Variants in NISCH observed in about 807,000 individuals in gnomAD.
NISCH encodes the protein nischarin, also known as I-1 receptor candidate protein.
NISCH carries 55 observed loss-of-function variants against 138.4 expected under a neutral mutation model. That is an observed-to-expected ratio of 0.40 (90% CI 0.32 to 0.50). NISCH has a LOEUF of 0.50. Ranked by LOEUF, NISCH falls within the 20% of genes least tolerant of loss-of-function variation. The pLI, the probability that NISCH is intolerant of heterozygous loss-of-function variation, is 0.71. For synonymous variants in NISCH, 860 were observed against 861.5 expected (o/e 1.00, Z 0.03); for missense variants, 1,643 against 2,005.5 (o/e 0.82, Z 3.45).
Position 52,490,960 on chromosome 3 carries a change from C to A in NISCH, c.3742+127C>A. 4.6e-6 allele frequency: 6 copies of A among 1,304,670 alleles called. No homozygotes were observed. The Admixed American group carries it at 6.2e-5, about 13-fold the overall frequency. 80.8% of individuals were successfully genotyped at this position (1,304,670 alleles called of 1,614,324 possible). A position where few individuals can be genotyped will look rare whatever the true frequency, so the allele number is the denominator to read the frequency against. On this transcript the variant is annotated intron_variant, in intron 19 of 20. Coordinates refer to ENST00000345716, the MANE Select transcript of NISCH (RefSeq NM_007184.4). ...CTGTGCTCAAGAGCCACTTCTTAAC[C>A]GGGGTGGGAGGAAGCAGCTTCAGGA...
intron 16 of NISCH, 116 bp downstream of exon 16, chr3:52,488,721 C>T (rs1432356136): frequency 2.3e-6 from 2 of 883,778 alleles, no homozygotes; most frequent in African/African-American, 1.7e-5. Flanking sequence ...GCCCCCTCCC[C>T]CCCTGCCCCT....
In NISCH at chr3:52,487,880, C is replaced by T. The variant is rs764802138; in HGVS notation, c.2388C>T (p.Asp796=). 8.9e-5 allele frequency: 143 copies of T among 1,612,204 alleles called. No individual in the cohort carries two copies. Among genetic ancestry groups the T allele is most frequent in the South Asian group, 3.1e-4 (28 of 91,026 alleles). The part of the protein sequence containing the change: ...HSENTLFIIS[D]AANLHEFHAD... ...AGAACACGCTCTTCATTATCTCGGA[C>T]GCCGCCAACCTGCACGAGTTCCACG... The change falls in exon 16 of 21, where the codon GAC becomes GAT. Residue 796 remains aspartate (D), a synonymous_variant. Transcript: ENST00000345716. The surrounding 1 kb of genome is among the most constrained non-coding windows in gnomAD (Gnocchi z 9.1).
intron 13 of NISCH, 181 bp downstream of exon 13, chr3:52,480,476 A>T: frequency 6.5e-7 from 1 of 1,531,804 alleles, no homozygotes; most frequent in Non-Finnish European, 8.7e-7. Context: ...GCCTGGCCTG[A>T]TGCCAGCTGT....
Position 52,481,421 on chromosome 3 carries a change from T to A in NISCH, c.1528+1126T>A, listed in dbSNP as rs1707267304. 1.5e-5 allele frequency: 15 copies of A among 986,092 alleles called. No individual in the cohort carries two copies. In the African/African-American group the frequency reaches 1.9e-4, roughly 13 times the overall value. The allele number at this position is 986,092 out of a possible 1,614,324, so 61.1% of individuals were successfully genotyped here. A position where few individuals can be genotyped will look rare whatever the true frequency, so the allele number is the denominator to read the frequency against. ...TTAGGTGCCAGGATGATTGCCCATT[T>A]TGCTTCTGTCAGACTCTTGACTAAG... On this transcript the variant is annotated intron_variant, in intron 13 of 20. Transcript: ENST00000345716.
At position 52,476,355 on chromosome 3, in the gene NISCH, C is replaced by T. The variant is rs1707096833; in HGVS notation, c.766-92C>T. The T allele has an allele frequency of 4.3e-6, 6 of 1,407,376 alleles. No homozygotes were observed. The South Asian group carries it at 4.8e-5, about 11-fold the overall frequency. 87.2% of individuals were successfully genotyped at this position (1,407,376 alleles called of 1,614,324 possible). On this transcript the variant is annotated intron_variant, in intron 7 of 20. Transcript: ENST00000345716. ...TTACTTCCACATGCTAAATATGCTCCAGCCCTTCCTTAAATTCTGCAACGA... is the reference window on the plus strand; with the variant it reads ...TTACTTCCACATGCTAAATATGCTCTAGCCCTTCCTTAAATTCTGCAACGA...
intron 2 of NISCH, among the ~76,000 whole-genome samples, chr3:52,458,408 G>C (rs1706538129): frequency 6.6e-6 from 1 of 152,188 alleles, no homozygotes; most frequent in African/African-American, 2.4e-5. Context: ...AGGGGCAAAA[G>C]GTGTTACTTT....
At chr3:52,475,324 G>C (rs936136631) in intron 7 of NISCH, among the ~76,000 whole-genome samples, 1 of 152,196 alleles carries the variant, frequency 6.6e-6, no homozygotes, top group Non-Finnish European at 1.5e-5. Flanking sequence ...GCGACCCATT[G>C]TGAGAAGAAA....
intron 1 of NISCH, among the ~76,000 whole-genome samples, chr3:52,456,821 A>C (rs1706486598): frequency 6.6e-6 from 1 of 152,152 alleles, no homozygotes; most frequent in Non-Finnish European, 1.5e-5. Context: ...TGCTGCAGAG[A>C]GGAGGGGGAA....
intron 3 of NISCH, among the ~76,000 whole-genome samples, chr3:52,470,256 A>G (rs1034109163): frequency 2.0e-5 from 3 of 152,154 alleles, no homozygotes; most frequent in Admixed American, 2.0e-4. Flanking sequence ...ACATCATTTA[A>G]AAAGGAAATC....
In NISCH at chr3:52,475,011, G is replaced by T. The variant is rs564479650; in HGVS notation, c.765+1182G>T. On this transcript the variant is annotated intron_variant, in intron 7 of 20. Transcript: ENST00000345716. The stretch of plus-strand genomic sequence containing the variant: ...TGCTAATGTTAAAATCTTTCCCTGG[G>T]TATAGAAAAGGCATGTAGTGGCTAA... 1.1e-4 allele frequency among the ~76,000 whole-genome samples: 17 copies of T among 152,202 alleles called. 1 individual carries two copies. The South Asian group carries it at 2.9e-3, about 26-fold the overall frequency.
At chr3:52,478,315 C>T (rs1707164188) in intron 10 of NISCH, 33 bp downstream of exon 10, 3 of 1,610,794 alleles carry the variant, frequency 1.9e-6, no homozygotes. Context: ...TTTGGGATTT[C>T]TGTGCCTTGG....
At chr3:52,476,219 G>A (rs1707093339) in intron 7 of NISCH, 1 of 529,918 alleles carries the variant, frequency 1.9e-6, no homozygotes, top group Non-Finnish European at 3.4e-6. Flanking sequence ...TGCTCCTAAA[G>A]CAGGGCCAGG....
chr3:52,458,610 A>C, intron 2 of NISCH, 52 bp from the exon 3 acceptor site: 1 of 1,518,040 alleles, frequency 6.6e-7, no homozygotes, highest in South Asian at 1.2e-5. Flanking sequence ...TTGGTCTTAC[A>C]TAGGCACAGA....
At position 52,473,829 on chromosome 3, in the gene NISCH, G is replaced by A; in HGVS notation, c.765G>A (p.Lys255=). 1.2e-6 allele frequency: 2 copies of A among 1,604,160 alleles called. No homozygotes were observed. Among genetic ancestry groups the A allele is most frequent in the Non-Finnish European group, 1.7e-6 (2 of 1,172,872 alleles). Residue 255 remains lysine (K), a splice_region_variant and synonymous_variant, in exon 7 of 21, where the codon AAG becomes AAA. Coordinates refer to ENST00000345716, the MANE Select transcript of NISCH (RefSeq NM_007184.4). ...LSVRFSATSM[K]EVLVPEASEF... is the part of the protein sequence containing the mutation. ...TCCGCTTCTCAGCAACCTCGATGAA[G>A]GTAAGCTTCACCTATATCCTGCCTG... is the stretch of plus-strand genomic sequence containing the variant.
intron 8 of NISCH, among the ~76,000 whole-genome samples, chr3:52,476,971 G>A (rs1268711250): frequency 6.6e-6 from 1 of 152,194 alleles, no homozygotes; most frequent in African/African-American, 2.4e-5. Flanking sequence ...GGAGGCGGAT[G>A]TTGCAGTGAG....
intron 3 of NISCH, among the ~76,000 whole-genome samples, chr3:52,466,706 C>T (rs56263308): frequency 0.013 from 1,932 of 152,108 alleles, 50 homozygotes; most frequent in African/African-American, 0.044. Context: ...GGGTGTGTGC[C>T]AAGCCGAAGC....
At chr3:52,470,803 C>T (rs1482659545) in intron 3 of NISCH, 56 bp from the exon 4 acceptor site, 7 of 1,456,658 alleles carry the variant, frequency 4.8e-6, no homozygotes, top group Admixed American at 1.7e-5. Flanking sequence ...GGGAATGTGA[C>T]CCCAGGGACT....
chr3:52,487,151 G>A lies in NISCH; in HGVS notation c.1704-45G>A. 1.3e-6 allele frequency: 2 copies of A among 1,569,048 alleles called. No individual in the cohort carries two copies. Among genetic ancestry groups the A allele is most frequent in the Non-Finnish European group, 1.7e-6 (2 of 1,154,720 alleles). On this transcript the variant is annotated intron_variant, in intron 15 of 20. Transcript: ENST00000345716. The surrounding 1 kb of genome is among the most constrained non-coding windows in gnomAD (Gnocchi z 9.1). ...CAGATGTGGCAGGTGGGAGGTGGGAGGGGCCCCTCCCAGCATGCCACTGAC... is the reference window on the plus strand; with the variant it reads ...CAGATGTGGCAGGTGGGAGGTGGGAAGGGCCCCTCCCAGCATGCCACTGAC...
At position 52,471,987 on chromosome 3, in the gene NISCH, C is replaced by CA; in HGVS notation, c.573+11dup. 1 of 1,568,508 alleles carries CA rather than the reference C, an allele frequency of 6.4e-7. No individual in the cohort carries two copies. The highest frequency in any genetic ancestry group is 1.8e-5 in the Admixed American group (1 of 56,460). On this transcript the variant is annotated intron_variant, in intron 5 of 20. Coordinates refer to ENST00000345716, the MANE Select transcript of NISCH (RefSeq NM_007184.4). ...CCTTAAGTACCTTAAGGTAAAGCTG[C>CA]AGCAGCTCAGTCATGGAGAGCCCCG... is the stretch of plus-strand genomic sequence containing the variant.
Sources: allele counts gnomAD v4.1 joint callset (sites outside exome capture counted in the v4.1 genomes callset), GRCh38; gene constraint gnomAD v4.1.1; non-coding constraint Gnocchi (gnomAD v3.1); transcripts MANE v1.5; gene names NCBI Gene and HGNC (gene_info 2026-07-23, HGNC 2026-07-21).